The following ART1 variants were observed in gnomAD, a reference collection of about 807,000 sequenced individuals.
The protein encoded by ART1 is ADP-ribosyltransferase 1, also known as GPI-linked NAD(P)(+)--arginine ADP-ribosyltransferase 1.
Under a neutral mutation model 27.0 loss-of-function variants are expected in ART1, and 29 were observed. That is an observed-to-expected ratio of 1.08 (90% CI 0.80 to 1.47). The LOEUF (loss-of-function observed/expected upper bound fraction) is 1.47. Among genes scored for constraint, ART1 ranks in the 40% most tolerant of loss-of-function variants. The pLI, the probability that ART1 is intolerant of heterozygous loss-of-function variation, is 0.00. For missense variants in ART1, 480 were observed against 423.0 expected, an observed-to-expected ratio of 1.13 and a Z score of -1.18; for synonymous variants, 201 against 172.2, an observed-to-expected ratio of 1.17 and a Z score of -1.31.
At chr11:3,650,629 G>A (rs1323488286) in intron 1 of ART1, among the ~76,000 whole-genome samples, 1 of 152,058 alleles carries the variant, frequency 6.6e-6, no homozygotes, top group East Asian at 1.9e-4. Flanking sequence ...CCCAACTCTA[G>A]TGCCAACTTA....
intron 1 of ART1, among the ~76,000 whole-genome samples, chr11:3,651,977 A>G (rs1213568930): frequency 6.6e-6 from 1 of 151,484 alleles, no homozygotes; most frequent in Non-Finnish European, 1.5e-5. Context: ...ATGCTATAGA[A>G]CAAGCCACCA....
Position 3,664,351 on chromosome 11 carries a change from C to T in ART1, c.*162C>T, listed in dbSNP as rs1447327719. 4 of 671,874 alleles carry T rather than the reference C, an allele frequency of 6.0e-6. No homozygotes were observed. The allele number at this position is 671,874 out of a possible 1,614,324, so 41.6% of individuals were successfully genotyped here. On this transcript the variant is annotated 3_prime_UTR_variant, in exon 5 of 5. Transcript: ENST00000250693. ...GACCGGCTGGTGGAGAAACAGGAGA[C>T]AATCTGGGGACTGAACCTTACCCAG...
rs1016039243 is a variant in ART1, at chr11:3,659,443, C to G, written c.64-140C>G. 4.5e-6 allele frequency: 6 copies of G among 1,346,294 alleles called. No individual in the cohort carries two copies. The Admixed American group carries it at 9.1e-5, about 20-fold the overall frequency. 83.4% of individuals were successfully genotyped at this position (1,346,294 alleles called of 1,614,324 possible). A position where few individuals can be genotyped will look rare whatever the true frequency, so the allele number is the denominator to read the frequency against. ...ATGCTAGTCTTGGGGAAATTACAGC[C>G]AGAGGTTCCCAATCCCCTTCCCCAC... is the stretch of plus-strand genomic sequence containing the variant. On this transcript the variant is annotated intron_variant, in intron 2 of 4. Coordinates refer to ENST00000250693, the MANE Select transcript of ART1 (RefSeq NM_004314.3).
intron 1 of ART1, among the ~76,000 whole-genome samples, chr11:3,651,182 G>T (rs180696698): frequency 0.033 from 4,719 of 144,474 alleles, 309 homozygotes; most frequent in African/African-American, 0.12. Context: ...TTCTGTTCTG[G>T]GTCTCAAACA....
In ART1 at chr11:3,658,350, G is replaced by A. The variant is rs866244516; in HGVS notation, c.-52-812G>A. 8.7e-3 allele frequency among the ~76,000 whole-genome samples: 1,280 copies of A among 147,520 alleles called. 11 individuals are homozygous for A. The highest frequency in any genetic ancestry group is 0.028 in the African/African-American group (1,096 of 39,186). ...TTGGTCTCGGAAAAAAAAAAAAAAA[G>A]AGAGAGAAAGAAAAAAAAGGAAACT... On this transcript the variant is annotated intron_variant, in intron 1 of 4. Coordinates refer to ENST00000250693, the MANE Select transcript of ART1 (RefSeq NM_004314.3).
rs543687697 is a variant in ART1, at chr11:3,662,025, C to T, written c.886+612C>T. ...ATTCAGGCTGCACTGAGGTGAGGGACAGAAGGGCTGCTCCCCACAAAGTCC... is the reference window on the plus strand; with the variant it reads ...ATTCAGGCTGCACTGAGGTGAGGGATAGAAGGGCTGCTCCCCACAAAGTCC... On this transcript the variant is annotated intron_variant, in intron 4 of 4. Coordinates refer to ENST00000250693, the MANE Select transcript of ART1 (RefSeq NM_004314.3). Among the ~76,000 whole-genome samples the T allele has an allele frequency of 3.3e-5, 5 of 152,320 alleles. No individual in the cohort carries two copies. In the East Asian group the frequency reaches 9.7e-4, roughly 29 times the overall value.
chr11:3,660,304 C>A lies in ART1; in HGVS notation c.785C>A (p.Ala262Asp), dbSNP rs773087367. Residue 262 changes from alanine (A) to aspartate (D), a missense_variant, in exon 3 of 5, where the codon GCC becomes GAC. By Grantham distance (126) the Ala-to-Asp change is moderately radical. Coordinates refer to ENST00000250693, the MANE Select transcript of ART1 (RefSeq NM_004314.3). ...GCCAGCAGACTGGCCCAGGGCCCCG[C>A]CCGCATCTACCTCCGAGCCCTGGGC... Reference protein sequence around the residue: ...INASRLAQGPARIYLRALGKH... With the variant: ...INASRLAQGPDRIYLRALGKH... 2 of 1,608,510 alleles carry A rather than the reference C, an allele frequency of 1.2e-6. No individual in the cohort carries two copies. The highest frequency in any genetic ancestry group is 1.3e-5 in the African/African-American group (1 of 74,930).
chr11:3,649,113 C>CGAA (rs2077495473), intron 1 of ART1, among the ~76,000 whole-genome samples: 1 of 152,088 alleles, frequency 6.6e-6, no homozygotes, highest in Non-Finnish European at 1.5e-5. Context: ...GAACCCCTTC[C>CGAA]CTCCGTTTCT....
chr11:3,663,094 C>CTCA lies in ART1; in HGVS notation c.887-995_887-993dup, dbSNP rs1554883242. On this transcript the variant is annotated intron_variant, in intron 4 of 4. Coordinates refer to ENST00000250693, the MANE Select transcript of ART1 (RefSeq NM_004314.3). ...TCATCTCATCATCTCATCTCATCAT[C>CTCA]TCATCTCATCTCATCTCATCTCATC... Among the ~76,000 whole-genome samples, 85 of 96,892 alleles carry CTCA rather than the reference C, an allele frequency of 8.8e-4. 3 individuals are homozygous for CTCA. The highest frequency in any genetic ancestry group is 5.2e-3 in the Middle Eastern group (1 of 192). The allele number at this position is 96,892 out of a possible 152,430, so 63.6% of individuals were successfully genotyped here.
intron 1 of ART1, among the ~76,000 whole-genome samples, chr11:3,658,333 G>GGA (rs1347661335): frequency 2.1e-5 from 3 of 142,168 alleles, no homozygotes; most frequent in Admixed American, 2.1e-4. Flanking sequence ...ACTTGGTCTC[G>GGA]GAAAAAAAAA....
At chr11:3,662,050 C>T (rs2077625591) in intron 4 of ART1, among the ~76,000 whole-genome samples, 1 of 152,178 alleles carries the variant, frequency 6.6e-6, no homozygotes, top group South Asian at 2.1e-4. Flanking sequence ...CCACAAAGTC[C>T]TCCTTTGGTC....
At chr11:3,647,264 G>A (rs2077475646) in intron 1 of ART1, among the ~76,000 whole-genome samples, 1 of 151,742 alleles carries the variant, frequency 6.6e-6, no homozygotes, top group Non-Finnish European at 1.5e-5. Flanking sequence ...AGAGGTTGCA[G>A]TGAGTCGAGA....
At chr11:3,655,046 G>C (rs908955868) in intron 1 of ART1, among the ~76,000 whole-genome samples, 1 of 152,206 alleles carries the variant, frequency 6.6e-6, no homozygotes, top group South Asian at 2.1e-4. Context: ...CCAGGCTCAT[G>C]GTCTTTGGGT....
rs557544918 is a variant in ART1 at position 3,650,233 on chromosome 11, G to A, written c.-53+5054G>A. Among the ~76,000 whole-genome samples, 154 of 152,256 alleles carry A rather than the reference G, an allele frequency of 1.0e-3. 1 individual carries two copies. The highest frequency in any genetic ancestry group is 3.5e-3 in the African/African-American group (145 of 41,538). On this transcript the variant is annotated intron_variant, in intron 1 of 4. Transcript: ENST00000250693. Reference sequence around the variant, plus strand: ...ACAAGTGCCGGAAATCTGGCCACTGGGCCAAGGAATACCCACAGCCCAGGA... The same window carrying A: ...ACAAGTGCCGGAAATCTGGCCACTGAGCCAAGGAATACCCACAGCCCAGGA...
intron 4 of ART1, among the ~76,000 whole-genome samples, chr11:3,663,211 C>T (rs951386315): frequency 6.6e-6 from 1 of 152,000 alleles, no homozygotes; most frequent in Non-Finnish European, 1.5e-5. Flanking sequence ...GGCATTACCC[C>T]CCTTATATGG....
intron 1 of ART1, among the ~76,000 whole-genome samples, chr11:3,658,434 C>T (rs2077591025): frequency 6.6e-6 from 1 of 152,094 alleles, no homozygotes; most frequent in Admixed American, 6.6e-5. Flanking sequence ...ACTTCGGGCA[C>T]TCCGCCTGTC....
chr11:3,657,878 A>T (rs2133960467), intron 1 of ART1, among the ~76,000 whole-genome samples: 1 of 152,332 alleles, frequency 6.6e-6, no homozygotes, highest in South Asian at 2.1e-4. Flanking sequence ...CATAAGTATG[A>T]AATGGTTAAT....
intron 1 of ART1, among the ~76,000 whole-genome samples, chr11:3,656,621 A>G (rs61878553): frequency 0.11 from 16,128 of 152,020 alleles, 939 homozygotes; most frequent in African/African-American, 0.13. Context: ...ACTTCAGGTG[A>G]TCCGCCCACC....
At chr11:3,653,573 T>A (rs987170282) in intron 1 of ART1, among the ~76,000 whole-genome samples, 1 of 152,136 alleles carries the variant, frequency 6.6e-6, no homozygotes, top group Non-Finnish European at 1.5e-5. Context: ...TGCACTCAGG[T>A]GATTAAAAGC....
Sources: gnomAD v4.1 joint callset for allele counts (sites outside exome capture counted in the v4.1 genomes callset) on GRCh38, gnomAD v4.1.1 for gene constraint, MANE v1.5 for transcripts, NCBI Gene and HGNC (gene_info 2026-07-23, HGNC 2026-07-21) for gene names.